Variants in FRY observed in about 807,000 individuals in gnomAD.
The protein encoded by FRY is FRY microtubule binding protein, also known as protein furry homolog.
A neutral mutation model predicts 348.4 loss-of-function variants in FRY; 128 were observed. That is an observed-to-expected ratio of 0.37 (90% CI 0.32 to 0.43). FRY has a LOEUF of 0.43. FRY is among the 20% of genes least tolerant of loss of function. The pLI is 1.00. For synonymous variants in FRY, 1,370 were observed against 1,374.7 expected (o/e 1.00, Z 0.08); for missense variants, 2,736 against 3,695.2 (o/e 0.74, Z 6.73).
intron 42 of FRY, among the ~76,000 whole-genome samples, chr13:32,235,253 A>G (rs144558155): frequency 9.4e-4 from 143 of 152,370 alleles, no homozygotes; most frequent in African/African-American, 3.3e-3. Flanking sequence ...GATAGAGCCC[A>G]GAGATTGGGA....
chr13:32,175,278 A>T (rs575032224), intron 19 of FRY, among the ~76,000 whole-genome samples: 1 of 152,336 alleles, frequency 6.6e-6, no homozygotes, highest in Non-Finnish European at 1.5e-5. Context: ...TCTCATGTAC[A>T]TGTATGAGTC....
At chr13:32,125,650 C>T (rs1033259829) in intron 7 of FRY, among the ~76,000 whole-genome samples, 8 of 152,064 alleles carry the variant, frequency 5.3e-5, no homozygotes, top group African/African-American at 1.2e-4. Flanking sequence ...AATTTCGTAA[C>T]GTAGTAGCAT....
intron 48 of FRY, among the ~76,000 whole-genome samples, chr13:32,248,121 T>C (rs952549921): frequency 3.3e-5 from 5 of 152,152 alleles, no homozygotes; most frequent in Admixed American, 1.3e-4. Context: ...AAAATAACTT[T>C]GCTTTCACAT....
At chr13:32,173,925 C>G (rs979817640) in intron 19 of FRY, among the ~76,000 whole-genome samples, 3 of 152,100 alleles carry the variant, frequency 2.0e-5, no homozygotes, top group African/African-American at 7.2e-5. Context: ...TTGAAATGAT[C>G]AAGGTACCAA....
chr13:32,109,024 A>C (rs1877765780), intron 3 of FRY, among the ~76,000 whole-genome samples: 1 of 152,208 alleles, frequency 6.6e-6, no homozygotes, highest in Admixed American at 6.5e-5. Context: ...ATGGTCATGA[A>C]GGCAGTAATG....
chr13:32,099,264 G>T (rs1876988365), intron 2 of FRY, among the ~76,000 whole-genome samples: 1 of 151,164 alleles, frequency 6.6e-6, no homozygotes, highest in Non-Finnish European at 1.5e-5. Context: ...ATATATATAT[G>T]TGTATATATG....
In FRY at chr13:32,244,144, A is replaced by G; in HGVS notation, c.6790A>G (p.Asn2264Asp). 1.2e-6 allele frequency: 2 copies of G among 1,613,916 alleles called. No homozygotes were observed. Among genetic ancestry groups the G allele is most frequent in the Non-Finnish European group, 1.7e-6 (2 of 1,179,810 alleles). ...TTCTGTCGTTCCTGTCAAACAGTTC[A>G]ATGTGGAAGTTCTGAAGACAATTGA... ...DLSVVPVKQF[N>D]VEVLKTIEKY... is the part of the protein sequence containing the mutation. Residue 2264 changes from asparagine (N) to aspartate (D), a missense_variant, in exon 47 of 61, where the codon AAT becomes GAT. Asn to Asp is a conservative substitution (Grantham distance 23). Around this residue, in one of 9 missense-constraint regions of FRY, gnomAD observed 789 missense variants for 996.2 expected, o/e 0.79. Coordinates refer to ENST00000542859, the MANE Select transcript of FRY (RefSeq NM_023037.3).
intron 1 of FRY, among the ~76,000 whole-genome samples, chr13:32,077,728 C>G (rs1376487597): frequency 6.6e-6 from 1 of 152,328 alleles, no homozygotes; most frequent in South Asian, 2.1e-4. Context: ...ATCCAACTTT[C>G]ATGGAGAAAG....
At chr13:32,276,959 C>T (rs997307707) in intron 57 of FRY, among the ~76,000 whole-genome samples, 11 of 152,138 alleles carry the variant, frequency 7.2e-5, no homozygotes, top group Admixed American at 7.2e-4. Flanking sequence ...TTGGAGGCTG[C>T]GTCTGCCAGT....
At chr13:32,293,223 T>C (rs749039501) in intron 59 of FRY, among the ~76,000 whole-genome samples, 3 of 152,196 alleles carry the variant, frequency 2.0e-5, no homozygotes, top group Non-Finnish European at 4.4e-5. Context: ...AAATAATGTA[T>C]ATATACACAC....
intron 1 of FRY, among the ~76,000 whole-genome samples, chr13:32,068,380 G>T (rs1489577213): frequency 2.0e-5 from 3 of 152,176 alleles, no homozygotes; most frequent in Non-Finnish European, 4.4e-5. Context: ...CCTGCCTCTA[G>T]CAGGTTATTC....
chr13:32,161,361 C>A, intron 17 of FRY, 110 bp downstream of exon 17: 1 of 835,692 alleles, frequency 1.2e-6, no homozygotes, highest in Non-Finnish European at 2.1e-6. Context: ...AAATGAGGTA[C>A]TGGGTATGGG....
chr13:32,284,106 G>A (rs918210769), intron 58 of FRY, among the ~76,000 whole-genome samples: 1 of 152,200 alleles, frequency 6.6e-6, no homozygotes, highest in African/African-American at 2.4e-5. Context: ...AGCTGGAGAT[G>A]TTTCCATATG....
At chr13:32,278,160 G>C (rs1888629665) in intron 57 of FRY, among the ~76,000 whole-genome samples, 1 of 152,150 alleles carries the variant, frequency 6.6e-6, no homozygotes, top group Non-Finnish European at 1.5e-5. Context: ...AAGATTTCTA[G>C]CCATATATAT....
At chr13:32,068,284 G>T (rs1330246427) in intron 1 of FRY, among the ~76,000 whole-genome samples, 2 of 152,078 alleles carry the variant, frequency 1.3e-5, no homozygotes, top group African/African-American at 4.8e-5. Flanking sequence ...AATGAAAAAA[G>T]GGAGAAGAGC....
In FRY at chr13:32,209,070, G is replaced by A. The variant is rs193034264; in HGVS notation, c.4236G>A (p.Thr1412=). 7.2e-5 allele frequency: 116 copies of A among 1,614,064 alleles called. No individual in the cohort carries two copies. The African/African-American group carries it at 1.3e-3, about 19-fold the overall frequency. The change falls in exon 32 of 61, where the codon ACG becomes ACA. Residue 1412 remains threonine, a synonymous_variant. Coordinates refer to ENST00000542859, the MANE Select transcript of FRY (RefSeq NM_023037.3). The stretch of plus-strand genomic sequence containing the variant: ...ATGGCTGGGGCTCTCCAGAAGCCAC[G>A]TCACTGGTCCTGAACAACCTCATGT... ...RGNGWGSPEA[T]SLVLNNLMYM... is the part of the protein sequence containing the mutation.
chr13:32,274,535 T>TCTA (rs1371269996), intron 55 of FRY, among the ~76,000 whole-genome samples: 2 of 151,540 alleles, frequency 1.3e-5, no homozygotes, highest in Non-Finnish European at 2.9e-5. Context: ...AAACCCCGTC[T>TCTA]CTACTAAAAA....
At chr13:32,101,222 T>C (rs1168266199) in intron 2 of FRY, among the ~76,000 whole-genome samples, 1 of 152,194 alleles carries the variant, frequency 6.6e-6, no homozygotes, top group Non-Finnish European at 1.5e-5. Context: ...AGTATTTGTC[T>C]TTCTGTGCCT....
intron 28 of FRY, among the ~76,000 whole-genome samples, chr13:32,192,267 CT>C (rs61216750): frequency 2.6e-5 from 4 of 151,922 alleles, no homozygotes; most frequent in Non-Finnish European, 5.9e-5. Context: ...TTTTTAATGA[CT>C]TTTTTTGTTT....
Sources: gnomAD v4.1 joint callset for allele counts (sites outside exome capture counted in the v4.1 genomes callset) on GRCh38, gnomAD v4.1.1 for gene constraint, gnomAD v4.1.1 regional missense constraint, MANE v1.5 for transcripts, NCBI Gene and HGNC (gene_info 2026-07-23, HGNC 2026-07-21) for gene names.